Variants in SASS6 observed in about 807,000 individuals in gnomAD.
SASS6 encodes SAS-6 centriolar assembly protein.
A neutral mutation model predicts 94.9 loss-of-function variants in SASS6; 59 were observed. The ratio of observed to expected loss-of-function variants is 0.62; its 90% CI spans 0.50 to 0.77. SASS6 has a LOEUF of 0.77. Ranked by LOEUF, SASS6 falls within the 30% of genes least tolerant of loss-of-function variation. The pLI, the probability that SASS6 is intolerant of heterozygous loss-of-function variation, is 0.00. For missense variants in SASS6, 698 were observed against 734.1 expected (o/e 0.95, Z 0.57); for synonymous variants, 264 against 270.0 (o/e 0.98, Z 0.22).
intron 7 of SASS6, among the ~76,000 whole-genome samples, chr1:100,118,647 G>A (rs756630444): frequency 6.6e-6 from 1 of 152,046 alleles, no homozygotes; most frequent in African/African-American, 2.4e-5. Context: ...ATACAGAATG[G>A]TATCACATTA....
intron 1 of SASS6, among the ~76,000 whole-genome samples, chr1:100,127,055 C>A (rs1191435004): frequency 1.3e-5 from 2 of 152,084 alleles, no homozygotes; most frequent in Non-Finnish European, 2.9e-5. Flanking sequence ...CTTAGAGAAT[C>A]CAGAATTGGA....
chr1:100,120,291 C>T, intron 6 of SASS6, 103 bp downstream of exon 6: 1 of 642,342 alleles, frequency 1.6e-6, no homozygotes, highest in Middle Eastern at 2.6e-4. Flanking sequence ...TCAACGGAAG[C>T]ATGCTTTGAA....
intron 2 of SASS6, among the ~76,000 whole-genome samples, chr1:100,124,421 C>A (rs1475052813): frequency 6.6e-6 from 1 of 152,192 alleles, no homozygotes; most frequent in African/African-American, 2.4e-5. Context: ...CGCTCTGTCG[C>A]CCAGTCTAGG....
At chr1:100,107,785 T>G (rs773206154) in intron 9 of SASS6, 25 bp downstream of exon 9, 1 of 1,572,042 alleles carries the variant, frequency 6.4e-7, no homozygotes, top group Non-Finnish European at 8.7e-7. Flanking sequence ...GATTATCAAT[T>G]TCTGAGAAAA....
At chr1:100,089,649 C>T (rs1410680359) in intron 14 of SASS6, among the ~76,000 whole-genome samples, 1 of 152,008 alleles carries the variant, frequency 6.6e-6, no homozygotes, top group Admixed American at 6.6e-5. Flanking sequence ...GTTCTATATT[C>T]AGAGAAAATG....
At chr1:100,085,770 TG>T (rs534728644) in intron 15 of SASS6, 140 bp from the exon 16 acceptor site, 6 of 539,134 alleles carry the variant, frequency 1.1e-5, no homozygotes, top group Non-Finnish European at 1.9e-5. Flanking sequence ...CATTCTTCAC[TG>T]GTTTCTTAAG....
At chr1:100,119,578 T>G (rs777233877) in intron 6 of SASS6, among the ~76,000 whole-genome samples, 4 of 152,194 alleles carry the variant, frequency 2.6e-5, no homozygotes, top group Non-Finnish European at 4.4e-5. Flanking sequence ...AGTCTCATGT[T>G]CAAATGTAAT....
chr1:100,132,763 C>G lies in SASS6; in HGVS notation c.52G>C (p.Asp18His). 1 of 1,614,006 alleles carries G rather than the reference C, an allele frequency of 6.2e-7. No individual in the cohort carries two copies. Among genetic ancestry groups the G allele is most frequent in the Non-Finnish European group, 8.5e-7 (1 of 1,179,876 alleles). The change falls in exon 1 of 17, where the codon GAC (aspartate) becomes CAC (histidine). Residue 18 changes from aspartate (D) to histidine (H), a missense_variant. Physicochemically the swap from Asp to His is moderately conservative, Grantham distance 81. Transcript: ENST00000287482. ...CGCGGACCTTACCTCTCCTCACAGT[C>G]TTTGCATTTCACCTGCAACGGGACT... Reference protein sequence around the residue: ...QLVPLQVKCKDCEERRVSIRM... With the variant: ...QLVPLQVKCKHCEERRVSIRM...
At chr1:100,121,330 C>A in intron 5 of SASS6, 48 bp downstream of exon 5, 1 of 1,093,234 alleles carries the variant, frequency 9.1e-7, no homozygotes, top group South Asian at 1.5e-5. Flanking sequence ...TTATCAAAGA[C>A]CATTGATACT....
chr1:100,104,261 G>A lies in SASS6; in HGVS notation c.1546-1178C>T, dbSNP rs184755664. 3.3e-5 allele frequency among the ~76,000 whole-genome samples: 5 copies of A among 152,342 alleles called. No homozygotes were observed. The East Asian group carries it at 9.7e-4, about 29-fold the overall frequency. Reference sequence around the variant, plus strand: ...CATATTTTTGTCTGTATTCAGGCATGATTATGAAACAGTCTTGTTTTTGTA... The same window carrying A: ...CATATTTTTGTCTGTATTCAGGCATAATTATGAAACAGTCTTGTTTTTGTA... On this transcript the variant is annotated intron_variant, in intron 13 of 16. Coordinates refer to ENST00000287482, the MANE Select transcript of SASS6 (RefSeq NM_194292.3).
chr1:100,110,557 CAA>C, intron 7 of SASS6, 74 bp from the exon 8 acceptor site: 2 of 739,760 alleles, frequency 2.7e-6, no homozygotes, highest in Admixed American at 6.4e-5. Flanking sequence ...AAGATTTGAA[CAA>C]AAAAAAATTG....
intron 3 of SASS6, among the ~76,000 whole-genome samples, chr1:100,122,964 C>T (rs1654313371): frequency 3.9e-5 from 1 of 25,714 alleles, no homozygotes. Context: ...AGAACGTATT[C>T]AATGGGAAAA....
chr1:100,110,292 C>T lies in SASS6; in HGVS notation c.861G>A (p.Glu287=). The part of the protein sequence containing the change: ...ELKAKLSGVE[E]ELQRTKQEVL... ...GAGGAAAAAAAACAACATTCAATAC[C>T]TCTTCAACACCAGAAAGTTTTGCTT... is the stretch of plus-strand genomic sequence containing the variant. Residue 287 remains glutamate (E), a splice_region_variant and synonymous_variant, in exon 8 of 17, where the codon GAG becomes GAA. Coordinates refer to ENST00000287482, the MANE Select transcript of SASS6 (RefSeq NM_194292.3). The T allele has an allele frequency of 6.5e-7, 1 of 1,544,280 alleles. No individual in the cohort carries two copies. The highest frequency in any genetic ancestry group is 8.7e-7 in the Non-Finnish European group (1 of 1,147,822).
In SASS6 at chr1:100,121,479, T is replaced by C. The variant is rs199873942; in HGVS notation, c.382A>G (p.Thr128Ala). 5 of 1,598,024 alleles carry C rather than the reference T, an allele frequency of 3.1e-6. No homozygotes were observed. Among genetic ancestry groups the C allele is most frequent in the Non-Finnish European group, 4.3e-6 (5 of 1,168,344 alleles). Residue 128 changes from threonine (T) to alanine (A), a missense_variant, in exon 5 of 17, where the codon ACA becomes GCA. Coordinates refer to ENST00000287482, the MANE Select transcript of SASS6 (RefSeq NM_194292.3). Reference sequence around the variant, plus strand: ...TGTGTAAGATGCTTAAAAGGATTTGTCTCTACCACATTTAAAAATGCAGGT... The same window carrying C: ...TGTGTAAGATGCTTAAAAGGATTTGCCTCTACCACATTTAAAAATGCAGGT... The part of the protein sequence containing the change: ...NSPAFLNVVE[T>A]NPFKHLTHLS...
chr1:100,094,539 C>T (rs1651977679), intron 14 of SASS6, among the ~76,000 whole-genome samples: 1 of 152,030 alleles, frequency 6.6e-6, no homozygotes, highest in East Asian at 1.9e-4. Context: ...TGAACATGGA[C>T]ACAAAATCAA....
At chr1:100,086,292 A>C (rs1322228262) in intron 15 of SASS6, among the ~76,000 whole-genome samples, 1 of 152,190 alleles carries the variant, frequency 6.6e-6, no homozygotes, top group East Asian at 1.9e-4. Flanking sequence ...CCCAATTTTC[A>C]GAAATAAGTG....
intron 7 of SASS6, 74 bp from the exon 8 acceptor site, chr1:100,110,557 C>CA (rs894383778): frequency 5.9e-4 from 434 of 738,134 alleles, no homozygotes; most frequent in Non-Finnish European, 7.2e-4. Context: ...AAGATTTGAA[C>CA]AAAAAAAAAT....
At chr1:100,092,826 C>T (rs1289706078) in intron 14 of SASS6, among the ~76,000 whole-genome samples, 3 of 151,954 alleles carry the variant, frequency 2.0e-5, no homozygotes, top group Non-Finnish European at 2.9e-5. Flanking sequence ...CCACGTGCCT[C>T]GGCCTCCCAA....
intron 1 of SASS6, among the ~76,000 whole-genome samples, chr1:100,128,501 A>C (rs1654780601): frequency 6.6e-6 from 1 of 152,226 alleles, no homozygotes; most frequent in South Asian, 2.1e-4. Context: ...CCAAATGCCT[A>C]TATACATTAG....
Sources: allele counts gnomAD v4.1 joint callset (sites outside exome capture counted in the v4.1 genomes callset), GRCh38; gene constraint gnomAD v4.1.1; transcripts MANE v1.5; gene names NCBI Gene and HGNC (gene_info 2026-07-23, HGNC 2026-07-21).